Variants in RBPJ observed in about 807,000 individuals in gnomAD.
RBPJ encodes the protein recombining binding protein suppressor of hairless.
A neutral mutation model predicts 67.8 loss-of-function variants in RBPJ; 9 were observed. The observed-to-expected ratio is 0.13, with a 90% CI of 0.08 to 0.23. The LOEUF is 0.23. RBPJ is among the 10% of genes least tolerant of loss of function. The probability of loss-of-function intolerance (pLI) is 1.00; values close to 1 mark genes in which losing one functional copy is unlikely to be tolerated. For missense variants in RBPJ, 305 were observed against 595.6 expected (o/e 0.51, Z 5.08); for synonymous variants, 198 against 203.3 (o/e 0.97, Z 0.22).
chr4:26,215,417 A>AAGGAAGGG (rs1560214932), intron 1 of RBPJ, among the ~76,000 whole-genome samples: 1 of 81,304 alleles, frequency 1.2e-5, no homozygotes, highest in Admixed American at 1.3e-4. Flanking sequence ...GGAAGGAAGG[A>AAGGAAGGG]AGGGAGGGAG....
chr4:26,176,253 A>T (rs979966456), intron 1 of RBPJ, among the ~76,000 whole-genome samples: 5 of 152,196 alleles, frequency 3.3e-5, no homozygotes, highest in African/African-American at 1.2e-4. Context: ...TGGCTCTATT[A>T]TTCCTATTTC....
At chr4:26,414,812 A>T (rs1734398516) in intron 3 of RBPJ, among the ~76,000 whole-genome samples, 2 of 152,242 alleles carry the variant, frequency 1.3e-5, no homozygotes, top group Admixed American at 6.5e-5. Flanking sequence ...GAGTTGAAAG[A>T]ATACAGTGTA....
chr4:26,167,191 C>A (rs200574795), intron 1 of RBPJ, among the ~76,000 whole-genome samples: 2 of 149,824 alleles, frequency 1.3e-5, no homozygotes, highest in African/African-American at 5.0e-5. Flanking sequence ...ATTGACTTGG[C>A]GATGCAGGCT....
intron 1 of RBPJ, among the ~76,000 whole-genome samples, chr4:26,355,093 A>T (rs1466381239): frequency 6.6e-6 from 1 of 152,090 alleles, no homozygotes; most frequent in East Asian, 1.9e-4. Flanking sequence ...TATAGGGTAG[A>T]GGGCAGTGGT....
rs1560245432 is a variant in RBPJ, at chr4:26,287,625, GGAGGGGAGGGGAGGA to G, written c.-166-74819_-166-74805del. ...GGAGGGGAGGGGAGGGGAGGGGAGG[GGAGGGGAGGGGAGGA>G]GCAGAGAAGAGAAGAAAAGAGAAGA... On this transcript the variant is annotated intron_variant, in intron 1 of 4. Coordinates refer to the RBPJ transcript ENST00000512351. Among the ~76,000 whole-genome samples, 102 of 46,412 alleles carry G rather than the reference GGAGGGGAGGGGAGGA, an allele frequency of 2.2e-3. 14 individuals are homozygous for G. Among genetic ancestry groups the G allele is most frequent in the African/African-American group, 9.9e-3 (95 of 9,628 alleles). The allele number at this position is 46,412 out of a possible 152,430, so 30.4% of individuals were successfully genotyped here.
intron 7 of RBPJ, among the ~76,000 whole-genome samples, chr4:26,427,133 G>A (rs1014204883): frequency 6.6e-6 from 1 of 152,146 alleles, no homozygotes; most frequent in Non-Finnish European, 1.5e-5. Flanking sequence ...CAGGATCATA[G>A]TATTAAGGTG....
chr4:26,182,798 AC>A (rs1237941199), intron 1 of RBPJ, among the ~76,000 whole-genome samples: 1 of 152,074 alleles, frequency 6.6e-6, no homozygotes, highest in African/African-American at 2.4e-5. Flanking sequence ...CACCCGGCTT[AC>A]TTTTTAAACT....
At chr4:26,202,444 T>G (rs1293504263) in intron 1 of RBPJ, among the ~76,000 whole-genome samples, 1 of 151,958 alleles carries the variant, frequency 6.6e-6, no homozygotes, top group Non-Finnish European at 1.5e-5. Context: ...TGATCTTTCC[T>G]TCCCCCCAGC....
At chr4:26,242,310 TG>T (rs2109220208) in intron 1 of RBPJ, among the ~76,000 whole-genome samples, 1 of 152,038 alleles carries the variant, frequency 6.6e-6, no homozygotes, top group South Asian at 2.1e-4. Flanking sequence ...TAGCCGGGCA[TG>T]GTGGCGGGCG....
At chr4:26,120,542 A>G in the RBPJ span, among the ~76,000 whole-genome samples, 63,258 of 151,824 alleles carry the variant, frequency 0.42, 13,922 homozygotes, top group Non-Finnish European at 0.46. Flanking sequence ...CTTTCATACT[A>G]TCCAAACAGC....
chr4:26,238,197 G>A (rs371674827), intron 1 of RBPJ, among the ~76,000 whole-genome samples: 1 of 152,000 alleles, frequency 6.6e-6, no homozygotes, highest in Non-Finnish European at 1.5e-5. Flanking sequence ...GAGTAGCTGG[G>A]ACCACAGGCG....
At chr4:26,402,394 CAGTTGTTTTATTTGTCCATAGTT>C (rs1209682581) in intron 2 of RBPJ, among the ~76,000 whole-genome samples, 2 of 152,182 alleles carry the variant, frequency 1.3e-5, no homozygotes, top group African/African-American at 4.8e-5. Context: ...TACCAATCTT[CAGTTGTTTTATTTGTCCATAGTT>C]AGCTTCCTTT....
intron 1 of RBPJ, among the ~76,000 whole-genome samples, chr4:26,214,420 G>T (rs1718549812): frequency 7.2e-6 from 1 of 138,402 alleles, no homozygotes; most frequent in Admixed American, 7.4e-5. Context: ...GAGAAAGAAA[G>T]AAAGAGAAAA....
At chr4:26,318,116 A>AAC (rs201135772), upstream of RBPJ, among the ~76,000 whole-genome samples, 4 of 151,004 alleles carry the variant, frequency 2.6e-5, no homozygotes, top group East Asian at 5.8e-4. Flanking sequence ...GGCAAACACA[A>AAC]ACACACACAC....
intron 1 of RBPJ, among the ~76,000 whole-genome samples, chr4:26,371,576 T>C (rs1236632530): frequency 6.6e-6 from 1 of 152,212 alleles, no homozygotes; most frequent in Non-Finnish European, 1.5e-5. Context: ...ATTTTCTTCA[T>C]TGCTAGGTTA....
chr4:26,388,044 T>C (rs1003083750), intron 2 of RBPJ, among the ~76,000 whole-genome samples: 1 of 152,098 alleles, frequency 6.6e-6, no homozygotes, highest in Non-Finnish European at 1.5e-5. Flanking sequence ...AATCAAAATA[T>C]ACCAGTCATA....
intron 1 of RBPJ, among the ~76,000 whole-genome samples, chr4:26,361,558 C>CT (rs1728063680): frequency 1.3e-5 from 2 of 152,004 alleles, no homozygotes; most frequent in Admixed American, 1.3e-4. Context: ...TCATCTACGT[C>CT]TTTCCTAGGA....
intron 3 of RBPJ, among the ~76,000 whole-genome samples, chr4:26,411,081 T>A (rs978220624): frequency 2.6e-5 from 4 of 152,074 alleles, no homozygotes; most frequent in Admixed American, 6.5e-5. Context: ...TAAAAAATAG[T>A]CAGTTTCACA....
the RBPJ span, among the ~76,000 whole-genome samples, chr4:26,105,743 A>G: frequency 6.6e-6 from 1 of 152,226 alleles, no homozygotes; most frequent in Admixed American, 6.5e-5. Flanking sequence ...TTCCAGCTGC[A>G]AGAGAGATGA....
Sources: allele counts gnomAD v4.1 joint callset (sites outside exome capture counted in the v4.1 genomes callset), GRCh38; gene constraint gnomAD v4.1.1; transcripts MANE v1.5; gene names NCBI Gene and HGNC (gene_info 2026-07-23, HGNC 2026-07-21).